Variants in AUTS2 observed in about 807,000 individuals in gnomAD.
AUTS2 encodes activator of transcription and developmental regulator AUTS2, also known as autism susceptibility gene 2 protein.
AUTS2 carries 17 observed loss-of-function variants against 112.4 expected under a neutral mutation model. The ratio of observed to expected loss-of-function variants is 0.15; its 90% CI spans 0.10 to 0.23. The LOEUF is 0.23. Among genes scored for constraint, AUTS2 ranks in the 10% least tolerant of loss-of-function variants. The pLI, the probability that AUTS2 is intolerant of heterozygous loss-of-function variation, is 1.00. For synonymous variants in AUTS2, 751 were observed against 702.7 expected, an observed-to-expected ratio of 1.07 and a Z score of -1.09; for missense variants, 1,510 against 1,701.6, an observed-to-expected ratio of 0.89 and a Z score of 1.98.
intron 6 of AUTS2, among the ~76,000 whole-genome samples, chr7:70,755,439 G>C (rs1189664888): frequency 6.6e-6 from 1 of 152,042 alleles, no homozygotes; most frequent in African/African-American, 2.4e-5. Context: ...CCGAGGCGGG[G>C]GTGGATCACT....
intron 4 of AUTS2, among the ~76,000 whole-genome samples, chr7:70,372,901 G>A (rs1585070722): frequency 2.6e-5 from 4 of 152,108 alleles, no homozygotes; most frequent in Admixed American, 2.6e-4. Flanking sequence ...CATGGGGGAA[G>A]GGCGAGGGTC....
Position 70,390,135 on chromosome 7 carries a change from A to G in AUTS2, c.661-45617A>G, listed in dbSNP as rs140477036. Among the ~76,000 whole-genome samples, 986 of 152,334 alleles carry G rather than the reference A, an allele frequency of 6.5e-3. 4 individuals are homozygous for G. The highest frequency in any genetic ancestry group is 1.0e-2 in the Non-Finnish European group (680 of 68,036). On this transcript the variant is annotated intron_variant, in intron 4 of 18. Transcript: ENST00000342771. ...CTTCCAGTGTACCTGGAACTCACCA[A>G]TGCACCGAAGAAGAGAATATTTCCT... is the stretch of plus-strand genomic sequence containing the variant.
At chr7:70,357,418 G>T (rs934748247) in intron 4 of AUTS2, among the ~76,000 whole-genome samples, 1 of 152,094 alleles carries the variant, frequency 6.6e-6, no homozygotes, top group African/African-American at 2.4e-5. Context: ...GTCCATCTTT[G>T]TACGTTTTCT....
At chr7:70,101,236 A>G (rs1298664447) in intron 2 of AUTS2, among the ~76,000 whole-genome samples, 1 of 152,142 alleles carries the variant, frequency 6.6e-6, no homozygotes. Context: ...CTCATTAGTA[A>G]TATTGATATA....
chr7:69,737,439 G>T (rs1787082132), intron 1 of AUTS2, among the ~76,000 whole-genome samples: 1 of 152,132 alleles, frequency 6.6e-6, no homozygotes, highest in Non-Finnish European at 1.5e-5. Flanking sequence ...TAAAAGTCGG[G>T]CAGAGTCACT....
intron 1 of AUTS2, among the ~76,000 whole-genome samples, chr7:69,811,189 A>G (rs1309357196): frequency 6.6e-6 from 1 of 152,150 alleles, no homozygotes. Flanking sequence ...TTATGGGAAG[A>G]GTACTGCTGG....
intron 5 of AUTS2, among the ~76,000 whole-genome samples, chr7:70,605,588 A>G (rs544383376): frequency 1.8e-5 from 1 of 55,512 alleles, no homozygotes; most frequent in East Asian, 5.0e-4. Context: ...TCTCTTGTGT[A>G]AATATAAAGC....
chr7:69,827,139 A>AT (rs1232169767), intron 1 of AUTS2, among the ~76,000 whole-genome samples: 1 of 152,152 alleles, frequency 6.6e-6, no homozygotes, highest in Non-Finnish European at 1.5e-5. Flanking sequence ...GCTTCTGGGA[A>AT]TTTTGAAAAG....
In AUTS2 at chr7:70,764,767, C is replaced by T. The variant is rs1388080776; in HGVS notation, c.1230C>T (p.Ser410=). ...GTTCCGATAGCAGCAGCAGAAGCAG[C>T]ACTCCAGCGAAGACTCAGCCCGCCC... The part of the protein sequence containing the change: ...SLNSLSSSRS[S]TPAKTQPAPP... Residue 410 remains serine (S), a synonymous_variant, in exon 8 of 19, where the codon AGC becomes AGT. Transcript: ENST00000342771. 1.3e-6 allele frequency: 1 copy of T among 746,072 alleles called. No homozygotes were observed. Among genetic ancestry groups the T allele is most frequent in the South Asian group, 1.5e-5 (1 of 68,170 alleles). The allele number at this position is 746,072 out of a possible 1,614,324, so 46.2% of individuals were successfully genotyped here.
intron 1 of AUTS2, among the ~76,000 whole-genome samples, chr7:69,730,045 T>A (rs1194717519): frequency 6.7e-6 from 1 of 148,554 alleles, no homozygotes; most frequent in Non-Finnish European, 1.5e-5. Context: ...CTAAGTAAGT[T>A]GTCTGGTTTG....
chr7:70,232,817 G>A (rs901570955), intron 4 of AUTS2, among the ~76,000 whole-genome samples: 11 of 152,110 alleles, frequency 7.2e-5, no homozygotes, highest in Non-Finnish European at 1.2e-4. Context: ...AAAAGTCAAA[G>A]GCCTGTATTT....
At chr7:70,643,320 C>T (rs967003425) in intron 5 of AUTS2, among the ~76,000 whole-genome samples, 1 of 152,240 alleles carries the variant, frequency 6.6e-6, no homozygotes, top group African/African-American at 2.4e-5. Context: ...CGCCCGTAAT[C>T]CCAGCACTCT....
chr7:70,423,750 T>C (rs1305483260), intron 4 of AUTS2, among the ~76,000 whole-genome samples: 1 of 152,202 alleles, frequency 6.6e-6, no homozygotes, highest in Admixed American at 6.5e-5. Flanking sequence ...AAGATTCTTC[T>C]TGTTGCTCAC....
intron 6 of AUTS2, among the ~76,000 whole-genome samples, chr7:70,747,950 T>C (rs1015440944): frequency 6.6e-6 from 1 of 150,786 alleles, no homozygotes; most frequent in Non-Finnish European, 1.5e-5. Flanking sequence ...GCGTCCCCAG[T>C]AGCTGGGACT....
At chr7:70,515,153 A>G (rs1395309206) in intron 5 of AUTS2, among the ~76,000 whole-genome samples, 2 of 152,198 alleles carry the variant, frequency 1.3e-5, no homozygotes, top group Non-Finnish European at 2.9e-5. Flanking sequence ...TCAGGAGTTA[A>G]GAGTCTCTCC....
chr7:70,328,447 C>T (rs1000355927), intron 4 of AUTS2, among the ~76,000 whole-genome samples: 7 of 152,030 alleles, frequency 4.6e-5, no homozygotes, highest in African/African-American at 9.7e-5. Flanking sequence ...GTCTTGAACC[C>T]CTGACCTCAA....
At chr7:70,674,005 C>T (rs940262621) in intron 5 of AUTS2, among the ~76,000 whole-genome samples, 3 of 152,132 alleles carry the variant, frequency 2.0e-5, no homozygotes, top group Non-Finnish European at 4.4e-5. Flanking sequence ...GTAATCAAGC[C>T]GGCTTTATGA....
intron 1 of AUTS2, among the ~76,000 whole-genome samples, chr7:69,788,969 A>G (rs766115521): frequency 4.6e-5 from 7 of 152,190 alleles, no homozygotes; most frequent in African/African-American, 1.4e-4. Context: ...GAAACATATC[A>G]GGTTTCTAAG....
chr7:70,105,212 G>A (rs956721946), intron 2 of AUTS2, among the ~76,000 whole-genome samples: 6 of 152,018 alleles, frequency 3.9e-5, no homozygotes, highest in African/African-American at 1.4e-4. Context: ...TTAATTTATA[G>A]CATTTTTTTT....
Sources: allele counts gnomAD v4.1 joint callset (sites outside exome capture counted in the v4.1 genomes callset), GRCh38; gene constraint gnomAD v4.1.1; transcripts MANE v1.5; gene names NCBI Gene and HGNC (gene_info 2026-07-23, HGNC 2026-07-21).